Variants in LAMA1 observed in about 807,000 individuals in gnomAD.
The protein encoded by LAMA1 is laminin subunit alpha-1.
A neutral mutation model predicts 348.7 loss-of-function variants in LAMA1; 219 were observed. That is an observed-to-expected ratio of 0.63 (90% CI 0.56 to 0.70). The LOEUF (loss-of-function observed/expected upper bound fraction) is 0.70, where lower values mean the gene tolerates loss of function less well. Among genes scored for constraint, LAMA1 ranks in the 30% least tolerant of loss-of-function variants. LAMA1 has a pLI of 0.00. For missense variants in LAMA1, 3,744 were observed against 3,888.0 expected (o/e 0.96, Z 0.99); for synonymous variants, 1,487 against 1,491.0 (o/e 1.00, Z 0.06).
chr18:7,113,946 G>A (rs368843078), intron 1 of LAMA1, among the ~76,000 whole-genome samples: 17 of 151,928 alleles, frequency 1.1e-4, no homozygotes, highest in East Asian at 1.9e-4. Context: ...GCGTGGTGGC[G>A]GGCGCCTGTA....
chr18:7,084,405 C>T (rs1009029748), intron 1 of LAMA1, among the ~76,000 whole-genome samples: 2 of 152,134 alleles, frequency 1.3e-5, no homozygotes, highest in African/African-American at 4.8e-5. Context: ...AGAACGAGGA[C>T]TGTAGCTATG....
chr18:7,015,740 A>G lies in LAMA1; in HGVS notation c.3108T>C (p.Asp1036=), dbSNP rs1477115334. The G allele has an allele frequency of 6.2e-7, 1 of 1,613,952 alleles. No individual in the cohort carries two copies. The highest frequency in any genetic ancestry group is 1.3e-5 in the African/African-American group (1 of 74,912). ...TGCTCACCTGGCACCCCACCTCCGC[A>G]TCGTAGCCCCAGTGCCCATCCTCAC... is the stretch of plus-strand genomic sequence containing the variant. ...EECEDGHWGY[D]AEVGCQACNC... The change falls in exon 22 of 63, where the codon GAT becomes GAC. Residue 1036 remains aspartate, a synonymous_variant. Coordinates refer to ENST00000389658, the MANE Select transcript of LAMA1 (RefSeq NM_005559.4).
chr18:7,091,912 G>A (rs1003883371), intron 1 of LAMA1, among the ~76,000 whole-genome samples: 1 of 152,154 alleles, frequency 6.6e-6, no homozygotes, highest in East Asian at 1.9e-4. Context: ...CAGAACACCA[G>A]CACGAAGACC....
Position 7,025,962 on chromosome 18 carries a change from T to G in LAMA1, c.2402+17A>C, listed in dbSNP as rs1248102374. 9.4e-6 allele frequency: 15 copies of G among 1,601,366 alleles called. No individual in the cohort carries two copies. The highest frequency in any genetic ancestry group is 3.4e-5 in the Admixed American group (2 of 58,276). On this transcript the variant is annotated intron_variant, in intron 17 of 62. Coordinates refer to ENST00000389658, the MANE Select transcript of LAMA1 (RefSeq NM_005559.4). The stretch of plus-strand genomic sequence containing the variant: ...TGGCCATGCTGGCAGGAACCGCTGA[T>G]GAGGTCCGAGGCTTACTTGTTGGAG...
intron 22 of LAMA1, 117 bp from the exon 23 acceptor site, chr18:7,014,168 C>T: frequency 1.2e-6 from 1 of 830,494 alleles, no homozygotes; most frequent in South Asian, 1.4e-5. Context: ...TGAACCATCT[C>T]TCTCTTGCTA....
chr18:6,955,281 C>T, intron 57 of LAMA1, 72 bp downstream of exon 57: 1 of 1,182,474 alleles, frequency 8.5e-7, no homozygotes, highest in African/African-American at 1.5e-5. Flanking sequence ...TTGGAAAAGA[C>T]TCTGTGGCTG....
intron 53 of LAMA1, among the ~76,000 whole-genome samples, chr18:6,961,202 G>A (rs1300345709): frequency 1.3e-5 from 2 of 152,148 alleles, no homozygotes; most frequent in Non-Finnish European, 2.9e-5. Context: ...GATAAAGAAA[G>A]TCTTGCTTCA....
chr18:7,029,189 G>A (rs2057957613), intron 16 of LAMA1, among the ~76,000 whole-genome samples: 1 of 152,158 alleles, frequency 6.6e-6, no homozygotes, highest in Non-Finnish European at 1.5e-5. Flanking sequence ...GTGCACCTGG[G>A]TTACCTGTAG....
At chr18:7,015,880 G>C in intron 21 of LAMA1, 22 bp from the exon 22 acceptor site, 1 of 1,613,930 alleles carries the variant, frequency 6.2e-7, no homozygotes, top group Non-Finnish European at 8.5e-7. Context: ...ATGAATGCTG[G>C]GTTACAGATC....
chr18:7,060,077 C>T (rs1295962617), intron 3 of LAMA1, among the ~76,000 whole-genome samples: 2 of 152,158 alleles, frequency 1.3e-5, no homozygotes, highest in African/African-American at 4.8e-5. Context: ...ATCACGAAAG[C>T]ACTTAGTCAA....
chr18:7,004,517 T>A (rs1337027168), intron 29 of LAMA1, among the ~76,000 whole-genome samples: 1 of 152,206 alleles, frequency 6.6e-6, no homozygotes, highest in Non-Finnish European at 1.5e-5. Flanking sequence ...CACGCCTGGC[T>A]AATTTTGTAT....
At chr18:6,960,188 G>A (rs1249535057) in intron 53 of LAMA1, 1 of 155,914 alleles carries the variant, frequency 6.4e-6, no homozygotes, top group African/African-American at 2.4e-5. Context: ...CAGAAGAACT[G>A]AAGACAGGGA....
chr18:6,961,812 C>A, intron 52 of LAMA1, 53 bp from the exon 53 acceptor site: 2 of 1,605,686 alleles, frequency 1.2e-6, no homozygotes, highest in Admixed American at 1.7e-5. Flanking sequence ...GCGGCCAAAC[C>A]TTCCGTGGGG....
Position 7,002,297 on chromosome 18 carries a change from G to T in LAMA1, c.4349C>A (p.Ala1450Asp). Residue 1450 changes from alanine to aspartate, a missense_variant, in exon 30 of 63, where the codon GCT becomes GAT. By Grantham distance (126) the Ala-to-Asp change is moderately radical. Coordinates refer to ENST00000389658, the MANE Select transcript of LAMA1 (RefSeq NM_005559.4). ...AGGGCTGTGAGGACAGGCACACAGA[G>T]CACAGTCACTTGCTGAGCCAGTCAC... is the stretch of plus-strand genomic sequence containing the variant. ...GKVTGSASDC[A>D]LCACPHSPPA... is the part of the protein sequence containing the mutation. 1 of 1,613,186 alleles carries T rather than the reference G, an allele frequency of 6.2e-7. No homozygotes were observed. The highest frequency in any genetic ancestry group is 8.5e-7 in the Non-Finnish European group (1 of 1,179,982).
intron 30 of LAMA1, among the ~76,000 whole-genome samples, chr18:7,002,005 G>T (rs768931139): frequency 7.2e-5 from 11 of 152,162 alleles, no homozygotes; most frequent in Non-Finnish European, 1.5e-4. Flanking sequence ...GGGCTAAAAT[G>T]AGTCTTAAAA....
rs572917787 is a variant in LAMA1, at chr18:7,003,281, C to T, written c.4261-896G>A. Among the ~76,000 whole-genome samples, 77 of 150,856 alleles carry T rather than the reference C, an allele frequency of 5.1e-4. 1 individual carries two copies. Among genetic ancestry groups the T allele is most frequent in the African/African-American group, 1.8e-3 (72 of 41,040 alleles). On this transcript the variant is annotated intron_variant, in intron 29 of 62. Coordinates refer to ENST00000389658, the MANE Select transcript of LAMA1 (RefSeq NM_005559.4). ...TTTTTTTTTTTTTGAGACAGAGTCTCGCTCTGTCACCCAGGCCAGAGTGCA... is the reference window on the plus strand; with the variant it reads ...TTTTTTTTTTTTTGAGACAGAGTCTTGCTCTGTCACCCAGGCCAGAGTGCA...
At chr18:7,107,494 G>T (rs548265588) in intron 1 of LAMA1, among the ~76,000 whole-genome samples, 1 of 152,266 alleles carries the variant, frequency 6.6e-6, no homozygotes, top group Non-Finnish European at 1.5e-5. Context: ...GCCAAGAAGT[G>T]TCCTGGATTC....
intron 11 of LAMA1, chr18:7,038,548 C>G: frequency 1.9e-6 from 1 of 522,564 alleles, no homozygotes. Flanking sequence ...CATTTCCCCA[C>G]AGAAGAAATT....
chr18:7,065,628 G>T (rs57344640), intron 3 of LAMA1, among the ~76,000 whole-genome samples: 2 of 152,050 alleles, frequency 1.3e-5, no homozygotes, highest in African/African-American at 4.8e-5. Context: ...TCGGGATGCC[G>T]AAGCACAAGA....
Sources: allele counts gnomAD v4.1 joint callset (sites outside exome capture counted in the v4.1 genomes callset), GRCh38; gene constraint gnomAD v4.1.1; transcripts MANE v1.5; gene names NCBI Gene and HGNC (gene_info 2026-07-23, HGNC 2026-07-21).